The following CFAP299 variants were observed in gnomAD, a reference collection of about 807,000 sequenced individuals.
CFAP299 encodes the protein cilia- and flagella-associated protein 299.
A neutral mutation model predicts 27.0 loss-of-function variants in CFAP299; 21 were observed. That is an observed-to-expected ratio of 0.78 (90% CI 0.55 to 1.12). CFAP299 has a LOEUF of 1.12. Ranked by LOEUF, CFAP299 falls within the 50% of genes most tolerant of loss-of-function variation. The pLI, the probability that CFAP299 is intolerant of heterozygous loss-of-function variation, is 0.00. For synonymous variants in CFAP299, 104 were observed against 98.1 expected, an observed-to-expected ratio of 1.06 and a Z score of -0.36; for missense variants, 310 against 276.6, an observed-to-expected ratio of 1.12 and a Z score of -0.86.
chr4:80,822,796 A>G (rs1729774481), intron 3 of CFAP299, among the ~76,000 whole-genome samples: 1 of 152,234 alleles, frequency 6.6e-6, no homozygotes, highest in Non-Finnish European at 1.5e-5. Flanking sequence ...AGCCTGATTT[A>G]TCAATGATAC....
intron 3 of CFAP299, among the ~76,000 whole-genome samples, chr4:80,661,666 G>A (rs868834135): frequency 2.0e-5 from 3 of 151,954 alleles, no homozygotes; most frequent in African/African-American, 4.8e-5. Flanking sequence ...TTGTTTAAAC[G>A]ATATGAAATC....
intron 2 of CFAP299, among the ~76,000 whole-genome samples, chr4:80,366,924 C>T (rs1198530544): frequency 6.6e-6 from 1 of 151,920 alleles, no homozygotes; most frequent in Non-Finnish European, 1.5e-5. Flanking sequence ...AACCTTAACA[C>T]ATTAGGGTAA....
intron 3 of CFAP299, among the ~76,000 whole-genome samples, chr4:80,651,619 C>T (rs1740302650): frequency 6.6e-6 from 1 of 151,550 alleles, no homozygotes; most frequent in Admixed American, 6.6e-5. Flanking sequence ...CCTATCTGAG[C>T]CTCCCAAAGT....
chr4:80,343,391 G>T (rs886775766), intron 1 of CFAP299, among the ~76,000 whole-genome samples: 3 of 152,132 alleles, frequency 2.0e-5, no homozygotes, highest in African/African-American at 7.2e-5. Context: ...TTGTCACATG[G>T]CACTTACCCT....
intron 3 of CFAP299, among the ~76,000 whole-genome samples, chr4:80,711,855 C>T (rs1224284204): frequency 6.6e-6 from 1 of 152,184 alleles, no homozygotes; most frequent in Non-Finnish European, 1.5e-5. Context: ...GCTTAAGAGA[C>T]ATTTCACCCA....
At chr4:80,597,208 A>G (rs1338449958) in intron 3 of CFAP299, among the ~76,000 whole-genome samples, 1 of 152,112 alleles carries the variant, frequency 6.6e-6, no homozygotes, top group Non-Finnish European at 1.5e-5. Flanking sequence ...GAGAGTCCCT[A>G]TTGCTTCATG....
chr4:80,574,263 T>C (rs1008249501), intron 2 of CFAP299, among the ~76,000 whole-genome samples: 3 of 152,188 alleles, frequency 2.0e-5, no homozygotes, highest in African/African-American at 7.2e-5. Flanking sequence ...TATTCACTTT[T>C]GATATATGGA....
chr4:80,557,927 A>G (rs544134284), intron 2 of CFAP299, among the ~76,000 whole-genome samples: 4 of 152,268 alleles, frequency 2.6e-5, no homozygotes, highest in Non-Finnish European at 5.9e-5. Flanking sequence ...TCTTCAAACC[A>G]GAATGACACT....
intron 3 of CFAP299, among the ~76,000 whole-genome samples, chr4:80,754,568 C>T (rs1725126874): frequency 6.7e-6 from 1 of 149,896 alleles, no homozygotes; most frequent in Non-Finnish European, 1.5e-5. Flanking sequence ...TTTTTTTTTA[C>T]AGTGGTTGCT....
intron 3 of CFAP299, among the ~76,000 whole-genome samples, chr4:80,837,842 C>A (rs75577952): frequency 6.6e-6 from 1 of 152,128 alleles, no homozygotes; most frequent in Non-Finnish European, 1.5e-5. Flanking sequence ...TGAGGAATCA[C>A]CATCCTGTCT....
intron 3 of CFAP299, among the ~76,000 whole-genome samples, chr4:80,655,854 G>A (rs933472989): frequency 6.6e-6 from 1 of 152,114 alleles, no homozygotes; most frequent in African/African-American, 2.4e-5. Flanking sequence ...ATATCACAAA[G>A]AAACGTACAC....
intron 2 of CFAP299, among the ~76,000 whole-genome samples, chr4:80,380,922 C>T (rs1724667286): frequency 6.6e-6 from 1 of 151,904 alleles, no homozygotes; most frequent in Non-Finnish European, 1.5e-5. Context: ...ACTTTGTAGC[C>T]TATTTGTCTT....
chr4:80,660,919 G>C (rs745773021), intron 3 of CFAP299, among the ~76,000 whole-genome samples: 6 of 152,152 alleles, frequency 3.9e-5, no homozygotes, highest in Admixed American at 6.6e-5. Context: ...TGGAATGTTA[G>C]TAGGTCAGAT....
intron 2 of CFAP299, chr4:80,386,084 G>T (rs545171045): frequency 2.3e-6 from 1 of 441,144 alleles, no homozygotes. Flanking sequence ...TCGATGGCTC[G>T]CTTCCACTGG....
intron 5 of CFAP299, among the ~76,000 whole-genome samples, chr4:80,955,554 T>G (rs895679669): frequency 1.1e-4 from 16 of 152,196 alleles, no homozygotes; most frequent in African/African-American, 3.9e-4. Context: ...ACAATCTGCA[T>G]GTTCATGACC....
At chr4:80,475,973 T>C (rs939702279) in intron 2 of CFAP299, among the ~76,000 whole-genome samples, 5 of 152,208 alleles carry the variant, frequency 3.3e-5, no homozygotes, top group Non-Finnish European at 7.3e-5. Flanking sequence ...TGCTCAACTC[T>C]TAGTAGTTTC....
intron 3 of CFAP299, among the ~76,000 whole-genome samples, chr4:80,622,401 C>T (rs1369126747): frequency 6.6e-6 from 1 of 152,044 alleles, no homozygotes; most frequent in Non-Finnish European, 1.5e-5. Flanking sequence ...CTGGGTCATC[C>T]CCAGCTGAGT....
intron 4 of CFAP299, among the ~76,000 whole-genome samples, chr4:80,907,563 A>G (rs968934606): frequency 1.3e-5 from 2 of 152,178 alleles, no homozygotes; most frequent in Admixed American, 6.6e-5. Flanking sequence ...GAAACTTACA[A>G]TCATGGCAGA....
intron 3 of CFAP299, among the ~76,000 whole-genome samples, chr4:80,856,816 A>G: frequency 6.6e-6 from 1 of 151,854 alleles, no homozygotes; most frequent in African/African-American, 2.4e-5. Flanking sequence ...GCCTTGTAGT[A>G]TAGTTTGAAG....
Sources: allele counts gnomAD v4.1 joint callset (sites outside exome capture counted in the v4.1 genomes callset), GRCh38; gene constraint gnomAD v4.1.1; transcripts MANE v1.5; gene names NCBI Gene and HGNC (gene_info 2026-07-23, HGNC 2026-07-21).